Variants in FAM13A observed in about 807,000 individuals in gnomAD.
The protein encoded by FAM13A is protein FAM13A.
A neutral mutation model predicts 129.6 loss-of-function variants in FAM13A; 76 were observed. The observed-to-expected ratio is 0.59, with a 90% CI of 0.49 to 0.71. The LOEUF (loss-of-function observed/expected upper bound fraction) is 0.71. Among genes scored for constraint, FAM13A ranks in the 30% least tolerant of loss-of-function variants. The pLI, the probability that FAM13A is intolerant of heterozygous loss-of-function variation, is 0.00. For synonymous variants in FAM13A, 443 were observed against 449.9 expected (o/e 0.98, Z 0.20); for missense variants, 1,108 against 1,249.3 (o/e 0.89, Z 1.70).
At chr4:88,945,812 A>G (rs1163146780) in intron 4 of FAM13A, among the ~76,000 whole-genome samples, 2 of 139,828 alleles carry the variant, frequency 1.4e-5, no homozygotes, top group South Asian at 2.2e-4. Context: ...TATATATATT[A>G]TATATATATA....
At chr4:88,782,707 T>C (rs899316032) in intron 10 of FAM13A, among the ~76,000 whole-genome samples, 11 of 152,150 alleles carry the variant, frequency 7.2e-5, no homozygotes, top group African/African-American at 2.7e-4. Context: ...AGTAAAATTA[T>C]ATAAAAGATT....
chr4:88,978,749 C>G (rs180765716), intron 4 of FAM13A, among the ~76,000 whole-genome samples: 1 of 151,676 alleles, frequency 6.6e-6, no homozygotes. Flanking sequence ...AGCCGAGATC[C>G]GGCCACTGCA....
At chr4:88,941,820 G>GGCAGGGCACA (rs1324206730) in intron 4 of FAM13A, among the ~76,000 whole-genome samples, 2 of 152,154 alleles carry the variant, frequency 1.3e-5, no homozygotes, top group African/African-American at 4.8e-5. Flanking sequence ...TTTGTGCTAT[G>GGCAGGGCACA]GCAGGGCACA....
chr4:88,966,838 A>C (rs1408377754), intron 4 of FAM13A, among the ~76,000 whole-genome samples: 1 of 152,214 alleles, frequency 6.6e-6, no homozygotes, highest in African/African-American at 2.4e-5. Context: ...TCACTAAACT[A>C]GGATGGAGAC....
At chr4:88,744,810 T>A (rs1183625182) in intron 19 of FAM13A, among the ~76,000 whole-genome samples, 1 of 152,070 alleles carries the variant, frequency 6.6e-6, no homozygotes, top group Non-Finnish European at 1.5e-5. Context: ...ATGTTCCAAA[T>A]AGAGAGAGGC....
chr4:88,828,441 G>T (rs183962199), intron 7 of FAM13A, among the ~76,000 whole-genome samples: 6 of 152,320 alleles, frequency 3.9e-5, no homozygotes, highest in African/African-American at 1.4e-4. Flanking sequence ...TTTGGCCAAA[G>T]AAATCTCTTG....
At chr4:88,798,291 C>G (rs1726656763) in intron 8 of FAM13A, among the ~76,000 whole-genome samples, 2 of 152,140 alleles carry the variant, frequency 1.3e-5, no homozygotes, top group Admixed American at 1.3e-4. Flanking sequence ...TAATCTTCTT[C>G]CCTTTATCCC....
chr4:88,742,558 C>T (rs1210206652), intron 19 of FAM13A, among the ~76,000 whole-genome samples: 1 of 152,130 alleles, frequency 6.6e-6, no homozygotes, highest in African/African-American at 2.4e-5. Flanking sequence ...TAATCATTTT[C>T]ATAATATATA....
Position 88,758,806 on chromosome 4 carries a change from G to A in FAM13A, c.1674C>T (p.Ser558=), listed in dbSNP as rs760901391. 23 of 1,613,904 alleles carry A rather than the reference G, an allele frequency of 1.4e-5. No homozygotes were observed. The highest frequency in any genetic ancestry group is 3.3e-5 in the Admixed American group (2 of 60,012). Reference sequence around the variant, plus strand: ...CAGTCAGGTCCGACTGGGGCACTTCGGAGACAAAGCTCTCCTCCTGGTCAC... The same window carrying A: ...CAGTCAGGTCCGACTGGGGCACTTCAGAGACAAAGCTCTCCTCCTGGTCAC... ...DAGDQEESFV[S]EVPQSDLTAL... is the part of the protein sequence containing the mutation. The change falls in exon 14 of 24, where the codon TCC becomes TCT. Residue 558 remains serine (S), a synonymous_variant. Coordinates refer to ENST00000264344, the MANE Select transcript of FAM13A (RefSeq NM_014883.4).
intron 6 of FAM13A, among the ~76,000 whole-genome samples, chr4:88,870,509 G>A (rs907956905): frequency 2.0e-5 from 3 of 152,202 alleles, no homozygotes; most frequent in Non-Finnish European, 2.9e-5. Context: ...GGGGGGTCCC[G>A]CGCCCACAGA....
intron 6 of FAM13A, among the ~76,000 whole-genome samples, chr4:88,887,662 C>G (rs191710973): frequency 2.6e-4 from 40 of 151,850 alleles, no homozygotes; most frequent in Non-Finnish European, 4.7e-4. Flanking sequence ...TCCCAAATAG[C>G]TGGGATTCCA....
intron 6 of FAM13A, among the ~76,000 whole-genome samples, chr4:88,852,525 TA>T (rs1204737862): frequency 6.6e-6 from 1 of 152,164 alleles, no homozygotes; most frequent in African/African-American, 2.4e-5. Flanking sequence ...CCACATAGTC[TA>T]CCCTTGATTA....
chr4:88,991,089 G>A lies in FAM13A; in HGVS notation c.489C>T (p.Thr163=), dbSNP rs377055430. The part of the protein sequence containing the change: ...LRDLIKELPD[T]HYCLLKYLCQ... Reference sequence around the variant, plus strand: ...AAAGGTACTTGAGGAGGCAGTAGTGGGTGTCTGGCAGCTCTTTTATTAAGT... The same window carrying A: ...AAAGGTACTTGAGGAGGCAGTAGTGAGTGTCTGGCAGCTCTTTTATTAAGT... Residue 163 remains threonine, a synonymous_variant, in exon 4 of 24, where the codon ACC becomes ACT. Coordinates refer to ENST00000264344, the MANE Select transcript of FAM13A (RefSeq NM_014883.4). 13 of 1,613,506 alleles carry A rather than the reference G, an allele frequency of 8.1e-6. No homozygotes were observed. The African/African-American group carries it at 1.6e-4, about 20-fold the overall frequency.
intron 7 of FAM13A, among the ~76,000 whole-genome samples, chr4:88,839,751 A>G (rs140127796): frequency 8.5e-4 from 130 of 152,310 alleles, no homozygotes; most frequent in African/African-American, 2.6e-3. Flanking sequence ...CAGAGCCCAT[A>G]CTCAGAAGGG....
In FAM13A at chr4:88,851,437, A is replaced by G. The variant is rs765051753; in HGVS notation, c.844-254T>C. Among the ~76,000 whole-genome samples, 5 of 152,148 alleles carry G rather than the reference A, an allele frequency of 3.3e-5. No individual in the cohort carries two copies. The South Asian group carries it at 1.0e-3, about 32-fold the overall frequency. ...TATATACCCTACCGAGAACATTTCTATTCTGGCAGAAATCTTCCCCAGGCC... is the reference window on the plus strand; with the variant it reads ...TATATACCCTACCGAGAACATTTCTGTTCTGGCAGAAATCTTCCCCAGGCC... On this transcript the variant is annotated intron_variant, in intron 6 of 23. Coordinates refer to ENST00000264344, the MANE Select transcript of FAM13A (RefSeq NM_014883.4).
intron 9 of FAM13A, among the ~76,000 whole-genome samples, chr4:88,788,742 C>CA (rs1724495511): frequency 1.3e-5 from 2 of 152,098 alleles, no homozygotes; most frequent in African/African-American, 4.8e-5. Context: ...GCTCTTAACT[C>CA]AGAGTCCTCA....
chr4:88,798,999 C>T (rs1398147818), intron 8 of FAM13A, among the ~76,000 whole-genome samples: 1 of 152,152 alleles, frequency 6.6e-6, no homozygotes, highest in Non-Finnish European at 1.5e-5. Context: ...TATAATTTAT[C>T]TTTCTCAGTA....
At chr4:88,978,778 G>C (rs1167454209) in intron 4 of FAM13A, among the ~76,000 whole-genome samples, 2 of 151,950 alleles carry the variant, frequency 1.3e-5, no homozygotes, top group Admixed American at 1.3e-4. Flanking sequence ...TGGGCGACAG[G>C]GCGAGACTCC....
In FAM13A at chr4:89,029,081, C is replaced by T. The variant is rs1579844107; in HGVS notation, c.217+379G>A. On this transcript the variant is annotated intron_variant, in intron 2 of 23. Transcript: ENST00000264344. ...GGCATTGAATAAGTTCATGATTGAC[C>T]TCAGGTAAAAGAGATACCCAAAAAC... 5.9e-5 allele frequency among the ~76,000 whole-genome samples: 9 copies of T among 152,058 alleles called. No homozygotes were observed. The East Asian group carries it at 1.7e-3, about 29-fold the overall frequency.
Sources: allele counts gnomAD v4.1 joint callset (sites outside exome capture counted in the v4.1 genomes callset), GRCh38; gene constraint gnomAD v4.1.1; transcripts MANE v1.5; gene names NCBI Gene and HGNC (gene_info 2026-07-23, HGNC 2026-07-21).